SRRM4: variants seen among roughly 807,000 people sequenced by gnomAD.
SRRM4 encodes the protein serine/arginine repetitive matrix 4, also known as serine/arginine repetitive matrix protein 4.
A neutral mutation model predicts 68.9 loss-of-function variants in SRRM4; 33 were observed. That is an observed-to-expected ratio of 0.48 (90% CI 0.36 to 0.64). SRRM4 has a LOEUF of 0.64. Ranked by LOEUF, SRRM4 falls within the 30% of genes least tolerant of loss-of-function variation. SRRM4 has a pLI of 0.00. For synonymous variants in SRRM4, 318 were observed against 318.8 expected, an observed-to-expected ratio of 1.00 and a Z score of 0.03; for missense variants, 817 against 827.1, an observed-to-expected ratio of 0.99 and a Z score of 0.15.
intron 1 of SRRM4, among the ~76,000 whole-genome samples, chr12:119,024,026 A>G (rs1038660617): frequency 3.9e-5 from 6 of 152,134 alleles, no homozygotes; most frequent in Non-Finnish European, 8.8e-5. Context: ...CATGTTACCT[A>G]TCACATTTAT....
At chr12:118,997,246 T>G (rs1700929020) in intron 1 of SRRM4, among the ~76,000 whole-genome samples, 1 of 152,160 alleles carries the variant, frequency 6.6e-6, no homozygotes, top group South Asian at 2.1e-4. Context: ...AAGCACCAAA[T>G]TTGGTAGGGA....
intron 1 of SRRM4, among the ~76,000 whole-genome samples, chr12:118,997,401 G>A (rs1006495745): frequency 6.6e-6 from 1 of 152,292 alleles, no homozygotes; most frequent in South Asian, 2.1e-4. Context: ...GTCCACACAC[G>A]TTACTGTGGA....
chr12:118,996,186 A>G (rs1300548713), intron 1 of SRRM4, among the ~76,000 whole-genome samples: 1 of 152,098 alleles, frequency 6.6e-6, no homozygotes, highest in Admixed American at 6.6e-5. Context: ...ACCACACAGG[A>G]ATAAAGTTAA....
chr12:119,030,833 G>A (rs1168794229), intron 1 of SRRM4, among the ~76,000 whole-genome samples: 2 of 152,102 alleles, frequency 1.3e-5, no homozygotes, highest in African/African-American at 4.8e-5. Flanking sequence ...CTGCAAAAAT[G>A]ATTTCATATG....
chr12:119,142,290 G>A (rs899298936), intron 8 of SRRM4, among the ~76,000 whole-genome samples: 1 of 152,204 alleles, frequency 6.6e-6, no homozygotes, highest in African/African-American at 2.4e-5. Flanking sequence ...CATTTCAATA[G>A]TGCCTTTATC....
At chr12:119,059,336 A>G (rs1592881049) in intron 1 of SRRM4, among the ~76,000 whole-genome samples, 1 of 152,168 alleles carries the variant, frequency 6.6e-6, no homozygotes, top group East Asian at 1.9e-4. Flanking sequence ...ACAACCAGAT[A>G]CAGGTACCAG....
intron 1 of SRRM4, among the ~76,000 whole-genome samples, chr12:119,023,015 C>A (rs187518365): frequency 1.3e-3 from 198 of 152,224 alleles, no homozygotes; most frequent in African/African-American, 4.7e-3. Flanking sequence ...CTCTTGAAGC[C>A]CCCCAGAATT....
chr12:119,027,795 A>G (rs1278484289), intron 1 of SRRM4, among the ~76,000 whole-genome samples: 1 of 152,250 alleles, frequency 6.6e-6, no homozygotes, highest in Non-Finnish European at 1.5e-5. Context: ...CATAAAGGAT[A>G]TGAACCCTCC....
intron 6 of SRRM4, 96 bp downstream of exon 6, chr12:119,122,216 G>T (rs1954224298): frequency 1.4e-6 from 1 of 735,046 alleles, no homozygotes. Context: ...AAATAAACAG[G>T]GAAAGGGAGG....
chr12:119,157,016 C>A lies in SRRM4; in HGVS notation c.*218C>A. The A allele has an allele frequency of 1.8e-6, 1 of 543,074 alleles. No homozygotes were observed. Among genetic ancestry groups the A allele is most frequent in the Non-Finnish European group, 3.1e-6 (1 of 317,614 alleles). 33.6% of individuals were successfully genotyped at this position (543,074 alleles called of 1,614,324 possible). A position where few individuals can be genotyped will look rare whatever the true frequency, so the allele number is the denominator to read the frequency against. On this transcript the variant is annotated 3_prime_UTR_variant, in exon 13 of 13. Coordinates refer to ENST00000267260, the MANE Select transcript of SRRM4 (RefSeq NM_194286.4). The surrounding 1 kb of genome is among the most constrained non-coding windows in gnomAD (Gnocchi z 4.1). ...CATCATCCTGGGGCCCAGCTCAGGC[C>A]TGGGCATATGGAAAGAACCATCATC...
intron 1 of SRRM4, among the ~76,000 whole-genome samples, chr12:118,982,683 T>TTTTTTTTTTTTTTTG (rs1953257431): frequency 7.4e-6 from 1 of 135,220 alleles, no homozygotes; most frequent in Non-Finnish European, 1.6e-5. Context: ...TTTTTTGTTT[T>TTTTTTTTTTTTTTTG]TTTTTTTTTT....
At chr12:118,994,729 T>C (rs1197049034) in intron 1 of SRRM4, among the ~76,000 whole-genome samples, 4 of 152,226 alleles carry the variant, frequency 2.6e-5, no homozygotes. Context: ...TGAGCCTCAG[T>C]GCCCTCATCT....
intron 6 of SRRM4, 129 bp from the exon 7 acceptor site, chr12:119,125,252 A>T: frequency 2.6e-6 from 2 of 779,664 alleles, no homozygotes; most frequent in Non-Finnish European, 4.2e-6. Context: ...GTTGAGGGAG[A>T]TGGAGAACTT....
chr12:118,984,091 T>G (rs1008891428), intron 1 of SRRM4, among the ~76,000 whole-genome samples: 1 of 152,212 alleles, frequency 6.6e-6, no homozygotes, highest in Non-Finnish European at 1.5e-5. Flanking sequence ...GTTTTATAAC[T>G]GTTACTCCTG....
intron 1 of SRRM4, among the ~76,000 whole-genome samples, chr12:119,081,701 A>T (rs1953948766): frequency 6.6e-6 from 1 of 152,224 alleles, no homozygotes. Flanking sequence ...ACCCATTAGG[A>T]GGCCTTTGCA....
intron 3 of SRRM4, among the ~76,000 whole-genome samples, chr12:119,115,503 A>G (rs369408532): frequency 1.3e-5 from 2 of 152,166 alleles, no homozygotes; most frequent in African/African-American, 4.8e-5. Context: ...AGAGAGCAGC[A>G]TCTGATGACT....
chr12:118,983,781 G>T (rs1953264899), intron 1 of SRRM4, among the ~76,000 whole-genome samples: 3 of 152,112 alleles, frequency 2.0e-5, no homozygotes, highest in Admixed American at 2.0e-4. Context: ...TTACTGTCCT[G>T]CCCTTTTCTT....
At chr12:119,151,281 C>A in intron 10 of SRRM4, 61 bp downstream of exon 10, 1 of 1,469,064 alleles carries the variant, frequency 6.8e-7, no homozygotes, top group Non-Finnish European at 9.5e-7. Context: ...TAGTTAATTG[C>A]AGATGTCCTT....
chr12:119,053,551 C>T (rs888517914), intron 1 of SRRM4, among the ~76,000 whole-genome samples: 13 of 152,222 alleles, frequency 8.5e-5, no homozygotes, highest in African/African-American at 1.4e-4. Flanking sequence ...GTCAATTAAA[C>T]GCAGATAATA....
Sources: gnomAD v4.1 joint callset for allele counts (sites outside exome capture counted in the v4.1 genomes callset) on GRCh38, gnomAD v4.1.1 for gene constraint, Gnocchi (gnomAD v3.1) non-coding constraint, MANE v1.5 for transcripts, NCBI Gene and HGNC (gene_info 2026-07-23, HGNC 2026-07-21) for gene names.